The following ZBTB7C variants were observed in gnomAD, a reference collection of about 807,000 sequenced individuals.
ZBTB7C encodes the protein zinc finger and BTB domain-containing protein 7C.
Under a neutral mutation model 25.7 loss-of-function variants are expected in ZBTB7C, and 8 were observed. The ratio of observed to expected loss-of-function variants is 0.31; its 90% CI spans 0.18 to 0.56. The LOEUF (loss-of-function observed/expected upper bound fraction) is 0.56. Among genes scored for constraint, ZBTB7C ranks in the 20% least tolerant of loss-of-function variants. The pLI is 0.91. For synonymous variants in ZBTB7C, 394 were observed against 369.0 expected (o/e 1.07, Z -0.78); for missense variants, 824 against 855.2 (o/e 0.96, Z 0.46).
intron 3 of ZBTB7C, among the ~76,000 whole-genome samples, chr18:48,140,295 G>C (rs1023476168): frequency 2.6e-5 from 4 of 152,246 alleles, no homozygotes; most frequent in African/African-American, 9.6e-5. Context: ...ACATGTATGA[G>C]CTCTGTGATC....
At chr18:48,250,778 C>CT (rs112162935) in intron 2 of ZBTB7C, among the ~76,000 whole-genome samples, 20,199 of 145,178 alleles carry the variant, frequency 0.14, 1,854 homozygotes, top group African/African-American at 0.27. Context: ...TTGAAACAAT[C>CT]TTTTTTTTTT....
intron 1 of ZBTB7C, among the ~76,000 whole-genome samples, chr18:48,381,895 C>T (rs937037024): frequency 6.6e-6 from 1 of 152,282 alleles, no homozygotes; most frequent in South Asian, 2.1e-4. Context: ...TGATCAGAAG[C>T]GGCATATAGC....
chr18:48,070,064 GCAGAGC>G (rs1423879322), intron 3 of ZBTB7C, among the ~76,000 whole-genome samples: 3 of 152,188 alleles, frequency 2.0e-5, no homozygotes, highest in Admixed American at 6.5e-5. Context: ...CTCTTGTGTG[GCAGAGC>G]CAGAAGTCAA....
At chr18:48,070,565 C>A (rs950933930) in intron 3 of ZBTB7C, among the ~76,000 whole-genome samples, 5 of 152,220 alleles carry the variant, frequency 3.3e-5, no homozygotes, top group African/African-American at 1.2e-4. Flanking sequence ...CCTTTTCCAG[C>A]ACAGGGTTCT....
intron 3 of ZBTB7C, among the ~76,000 whole-genome samples, chr18:48,145,415 A>G (rs1203241087): frequency 6.6e-6 from 1 of 152,132 alleles, no homozygotes. Flanking sequence ...AACTCCCTAC[A>G]GTAATTTGAA....
chr18:48,351,599 G>A (rs923957792), intron 1 of ZBTB7C, among the ~76,000 whole-genome samples: 9 of 152,202 alleles, frequency 5.9e-5, no homozygotes, highest in African/African-American at 1.4e-4. Context: ...TAAGAAAAAC[G>A]CCGTTTTCCT....
chr18:48,110,455 G>C (rs2039198666), intron 3 of ZBTB7C, among the ~76,000 whole-genome samples: 1 of 152,196 alleles, frequency 6.6e-6, no homozygotes, highest in African/African-American at 2.4e-5. Context: ...TGCATCTAGA[G>C]GAAAGCTTAA....
chr18:48,128,755 C>T (rs917365167), intron 3 of ZBTB7C, among the ~76,000 whole-genome samples: 4 of 152,098 alleles, frequency 2.6e-5, no homozygotes, highest in African/African-American at 4.8e-5. Flanking sequence ...ATATTGTGTA[C>T]GATGTATACT....
chr18:48,261,267 G>A (rs1033442489), intron 2 of ZBTB7C, among the ~76,000 whole-genome samples: 1 of 152,176 alleles, frequency 6.6e-6, no homozygotes. Context: ...CTGCTTCTAG[G>A]TGGATTTAAT....
chr18:48,107,146 G>A (rs1434657104), intron 3 of ZBTB7C, among the ~76,000 whole-genome samples: 3 of 151,012 alleles, frequency 2.0e-5, no homozygotes, highest in Non-Finnish European at 4.4e-5. Flanking sequence ...ATGTGGGGAG[G>A]GGCATTGGAG....
At chr18:48,286,869 C>A (rs79570935) in intron 2 of ZBTB7C, among the ~76,000 whole-genome samples, 1 of 151,878 alleles carries the variant, frequency 6.6e-6, no homozygotes, top group African/African-American at 2.4e-5. Context: ...CTGGGCAACA[C>A]GGCAAACCCC....
chr18:48,079,280 C>A (rs7242118), intron 3 of ZBTB7C, among the ~76,000 whole-genome samples: 13,971 of 152,226 alleles, frequency 0.092, 1,108 homozygotes, highest in African/African-American at 0.22. Context: ...TGACTCGTTG[C>A]CCTTATTATG....
At chr18:48,104,830 C>T (rs2038972775) in intron 3 of ZBTB7C, among the ~76,000 whole-genome samples, 1 of 152,186 alleles carries the variant, frequency 6.6e-6, no homozygotes, top group Admixed American at 6.5e-5. Context: ...AGGAGTCAAG[C>T]CAGCAGTGTG....
intron 3 of ZBTB7C, among the ~76,000 whole-genome samples, chr18:48,080,487 G>A (rs1229972711): frequency 1.3e-5 from 2 of 152,196 alleles, no homozygotes; most frequent in African/African-American, 4.8e-5. Context: ...GAAGGAGCAG[G>A]CACCTGGAGT....
At chr18:48,096,466 T>C (rs1041172298) in intron 3 of ZBTB7C, among the ~76,000 whole-genome samples, 27 of 152,210 alleles carry the variant, frequency 1.8e-4, no homozygotes, top group African/African-American at 5.8e-4. Flanking sequence ...CCAGTATGAC[T>C]TTATCCTTAT....
intron 1 of ZBTB7C, among the ~76,000 whole-genome samples, chr18:48,378,430 T>C (rs2047569162): frequency 6.6e-6 from 1 of 152,160 alleles, no homozygotes; most frequent in Non-Finnish European, 1.5e-5. Flanking sequence ...AGGCAGAAGG[T>C]GGATGAGCCT....
chr18:48,104,167 G>T (rs1238424971), intron 3 of ZBTB7C, among the ~76,000 whole-genome samples: 1 of 152,186 alleles, frequency 6.6e-6, no homozygotes, highest in East Asian at 1.9e-4. Context: ...AGTGGGGTTT[G>T]GTATGAGACA....
chr18:48,091,604 C>T (rs1426968335), intron 3 of ZBTB7C, among the ~76,000 whole-genome samples: 1 of 152,094 alleles, frequency 6.6e-6, no homozygotes, highest in Non-Finnish European at 1.5e-5. Context: ...AGCTTTTAGA[C>T]ACATTGGCTG....
At chr18:48,041,298 A>G (rs1381231335) in intron 3 of ZBTB7C, 175 bp from the exon 4 acceptor site, 2 of 985,204 alleles carry the variant, frequency 2.0e-6, no homozygotes, top group Non-Finnish European at 2.4e-6. Flanking sequence ...CCTGGCTTAC[A>G]AGCTGGGGCT....
Sources: allele counts gnomAD v4.1 joint callset (sites outside exome capture counted in the v4.1 genomes callset), GRCh38; gene constraint gnomAD v4.1.1; transcripts MANE v1.5; gene names NCBI Gene and HGNC (gene_info 2026-07-23, HGNC 2026-07-21).